The following TDRKH variants were observed in gnomAD, a reference collection of about 807,000 sequenced individuals.
The protein encoded by TDRKH is tudor and KH domain containing, also known as tudor and KH domain-containing protein.
A neutral mutation model predicts 61.3 loss-of-function variants in TDRKH; 28 were observed. That is an observed-to-expected ratio of 0.46 (90% CI 0.34 to 0.63). TDRKH has a LOEUF of 0.63. Ranked by LOEUF, TDRKH falls within the 20% of genes least tolerant of loss-of-function variation. The probability of loss-of-function intolerance (pLI) is 0.01; values close to 1 mark genes in which losing one functional copy is unlikely to be tolerated. For missense variants in TDRKH, 540 were observed against 683.4 expected (o/e 0.79, Z 2.34); for synonymous variants, 219 against 244.4 (o/e 0.90, Z 0.97).
chr1:151,779,023 A>G lies in TDRKH; in HGVS notation c.562-17T>C. 4 of 1,612,538 alleles carry G rather than the reference A, an allele frequency of 2.5e-6. No homozygotes were observed. Among genetic ancestry groups the G allele is most frequent in the Non-Finnish European group, 3.4e-6 (4 of 1,178,960 alleles). On this transcript the variant is annotated splice_polypyrimidine_tract_variant and intron_variant, in intron 5 of 12. Transcript: ENST00000368824. ...TATCAAATGCTGTGGAAAACAAGAG[A>G]AAGGATGATATTCTGACCTGGGATA... is the stretch of plus-strand genomic sequence containing the variant.
intron 3 of TDRKH, among the ~76,000 whole-genome samples, chr1:151,781,004 T>C (rs573090311): frequency 1.3e-5 from 2 of 152,112 alleles, no homozygotes; most frequent in South Asian, 4.1e-4. Flanking sequence ...AAAAAGTTCC[T>C]CTATTTGTTC....
At chr1:151,775,188 G>T (rs1333352559) in intron 10 of TDRKH, 22 bp from the exon 11 acceptor site, 1 of 1,612,268 alleles carries the variant, frequency 6.2e-7, no homozygotes, top group Non-Finnish European at 8.5e-7. Flanking sequence ...AATGAAAAGG[G>T]AATGATGTTC....
At chr1:151,782,339 AG>A (rs1284704231) in intron 2 of TDRKH, among the ~76,000 whole-genome samples, 1 of 151,914 alleles carries the variant, frequency 6.6e-6, no homozygotes, top group Non-Finnish European at 1.5e-5. Flanking sequence ...CCCAGCTACT[AG>A]GGTGGCTGAG....
chr1:151,771,343 G>A (rs1052711145), downstream of TDRKH: 65 of 1,495,400 alleles, frequency 4.3e-5, no homozygotes, highest in South Asian at 8.0e-4. Flanking sequence ...AAGTGTTCAC[G>A]GTTTCTTGGG....
chr1:151,768,958 T>A (rs1023589517), downstream of TDRKH, among the ~76,000 whole-genome samples: 6 of 152,154 alleles, frequency 3.9e-5, no homozygotes, highest in Non-Finnish European at 7.3e-5. Flanking sequence ...ACACAGCACG[T>A]TTCAGAGAGC....
In TDRKH at chr1:151,776,082, A is replaced by T; in HGVS notation, c.1217+14T>A. 1 of 1,606,140 alleles carries T rather than the reference A, an allele frequency of 6.2e-7. No individual in the cohort carries two copies. Among genetic ancestry groups the T allele is most frequent in the South Asian group, 1.1e-5 (1 of 90,128 alleles). On this transcript the variant is annotated intron_variant, in intron 8 of 12. Transcript: ENST00000368824. ...TGAGTCAGCAGTTGGGATTGAGCTGACCTCAGCACTGACCTGAGAGCCCTG... is the reference window on the plus strand; with the variant it reads ...TGAGTCAGCAGTTGGGATTGAGCTGTCCTCAGCACTGACCTGAGAGCCCTG...
intron 3 of TDRKH, among the ~76,000 whole-genome samples, 190 bp downstream of exon 3, chr1:151,781,291 T>C (rs2101604655): frequency 1.9e-5 from 2 of 106,656 alleles, no homozygotes; most frequent in African/African-American, 6.2e-5. Context: ...CACTCCAGCC[T>C]GGACAACAAG....
At chr1:151,775,732 A>C (rs1334598933) in intron 9 of TDRKH, 88 bp downstream of exon 9, 3 of 1,536,596 alleles carry the variant, frequency 2.0e-6, no homozygotes, top group Non-Finnish European at 2.7e-6. Flanking sequence ...GAATTCAAAA[A>C]GCCTGGGAAT....
Position 151,774,483 on chromosome 1 carries a change from T to A in TDRKH, c.1655A>T (p.Asp552Val). 1.2e-6 allele frequency: 2 copies of A among 1,614,104 alleles called. No individual in the cohort carries two copies. The highest frequency in any genetic ancestry group is 3.3e-4 in the Middle Eastern group (2 of 6,062). The change falls in exon 13 of 13, where the codon GAT becomes GTT. Residue 552 changes from aspartate (D) to valine (V), a missense_variant. Asp to Val is a radical substitution (Grantham distance 152, BLOSUM62 -3). This residue lies in a region of TDRKH where 379 missense variants were observed against 443.8 expected (regional missense o/e 0.85). Transcript: ENST00000368824. ...SLSEAASMSG[D>V]DNLEDDYLL ...TAAGTAGTCATCTTCAAGGTTATCA[T>A]CACCAGACATGGAAGCAGCTTCTAT...
intron 1 of TDRKH, among the ~76,000 whole-genome samples, chr1:151,784,030 T>G (rs1206115159): frequency 6.6e-6 from 1 of 152,192 alleles, no homozygotes; most frequent in South Asian, 2.1e-4. Flanking sequence ...CCCTCTCCAC[T>G]CAAACGTCTC....
chr1:151,776,659 A>G, intron 6 of TDRKH, 60 bp from the exon 7 acceptor site: 1 of 1,585,812 alleles, frequency 6.3e-7, no homozygotes, highest in East Asian at 2.2e-5. Flanking sequence ...GAATGAAGAG[A>G]CTAACCAGGG....
At chr1:151,778,409 G>A (rs1649414682) in intron 6 of TDRKH, among the ~76,000 whole-genome samples, 1 of 152,222 alleles carries the variant, frequency 6.6e-6, no homozygotes, top group Admixed American at 6.5e-5. Flanking sequence ...CAGAGTGGAA[G>A]AGGCACCAAG....
chr1:151,772,941 G>A (rs1324138060), downstream of TDRKH, among the ~76,000 whole-genome samples: 1 of 152,180 alleles, frequency 6.6e-6, no homozygotes. Context: ...TGGGTTCACT[G>A]CAACCTCCGC....
chr1:151,789,763 C>T (rs1387752177), intron 1 of TDRKH, among the ~76,000 whole-genome samples: 1 of 152,126 alleles, frequency 6.6e-6, no homozygotes, highest in Non-Finnish European at 1.5e-5. Flanking sequence ...AAAGAACCTA[C>T]AACATGGTGA....
At position 151,776,206 on chromosome 1, in the gene TDRKH, G is replaced by A. The variant is rs564837264; in HGVS notation, c.1107C>T (p.Ser369=). The part of the protein sequence containing the change: ...IVAAPLPTNG[S]WYRARVLGTL... ...TGCCGAGGACCCGGGCTCGATACCA[G>A]GAACCATTTGTAGGTAAAGGTGCTG... The change falls in exon 8 of 13, where the codon TCC becomes TCT. Residue 369 remains serine (S), a synonymous_variant. Coordinates refer to ENST00000368824, the MANE Select transcript of TDRKH (RefSeq NM_001083965.2). The A allele has an allele frequency of 6.2e-7, 1 of 1,614,138 alleles. No individual in the cohort carries two copies. The highest frequency in any genetic ancestry group is 2.2e-5 in the East Asian group (1 of 44,874).
chr1:151,788,209 T>G (rs1191501612), intron 1 of TDRKH, among the ~76,000 whole-genome samples: 1 of 152,210 alleles, frequency 6.6e-6, no homozygotes, highest in East Asian at 1.9e-4. Context: ...AGATGGTGTA[T>G]AGTTGAAAAT....
In TDRKH at chr1:151,776,507, C is replaced by T. The variant is rs746017540; in HGVS notation, c.976G>A (p.Val326Ile). ...EHPNHFWIQI[V>I]GSRSLQLDKL... Reference sequence around the variant, plus strand: ...TCCAATTGCAGGCTGCGGGAGCCAACGATCTGGATCCAGAAGTGGTTAGGG... The same window carrying T: ...TCCAATTGCAGGCTGCGGGAGCCAATGATCTGGATCCAGAAGTGGTTAGGG... The change falls in exon 7 of 13, where the codon GTT becomes ATT. Residue 326 changes from valine (V) to isoleucine (I), a missense_variant. Around this residue, in one of 3 missense-constraint regions of TDRKH, gnomAD observed 379 missense variants for 443.8 expected, o/e 0.85. Transcript: ENST00000368824. 8.1e-6 allele frequency: 13 copies of T among 1,614,018 alleles called. No homozygotes were observed. Among genetic ancestry groups the T allele is most frequent in the East Asian group, 4.5e-5 (2 of 44,896 alleles).
chr1:151,768,754 G>A (rs1648466256), downstream of TDRKH, among the ~76,000 whole-genome samples: 1 of 152,180 alleles, frequency 6.6e-6, no homozygotes, highest in African/African-American at 2.4e-5. Flanking sequence ...GTGGAGGGAA[G>A]GTCAGCAGAT....
At chr1:151,781,304 C>T (rs1404206430) in intron 3 of TDRKH, among the ~76,000 whole-genome samples, 177 bp downstream of exon 3, 23 of 80,376 alleles carry the variant, frequency 2.9e-4, no homozygotes, top group African/African-American at 7.0e-4. Flanking sequence ...ACAACAAGAG[C>T]GAAACTCCAT....
Sources: allele counts gnomAD v4.1 joint callset (sites outside exome capture counted in the v4.1 genomes callset), GRCh38; gene constraint gnomAD v4.1.1; regional missense constraint gnomAD v4.1.1; transcripts MANE v1.5; gene names NCBI Gene and HGNC (gene_info 2026-07-23, HGNC 2026-07-21).